The following FARP1 variants were observed in gnomAD, a reference collection of about 807,000 sequenced individuals.
FARP1 encodes the protein FERM, ARHGEF and pleckstrin domain-containing protein 1.
In FARP1, 52 loss-of-function variants were observed where a neutral mutation model predicts 128.8. That is an observed-to-expected ratio of 0.40 (90% CI 0.32 to 0.51). FARP1 has a LOEUF of 0.51. FARP1 is among the 20% of genes least tolerant of loss of function. The pLI, the probability that FARP1 is intolerant of heterozygous loss-of-function variation, is 0.45. For synonymous variants in FARP1, 580 were observed against 551.8 expected (o/e 1.05, Z -0.72); for missense variants, 1,333 against 1,367.9 (o/e 0.97, Z 0.40).
intron 2 of FARP1, among the ~76,000 whole-genome samples, chr13:98,321,667 T>G (rs550424073): frequency 3.0e-4 from 45 of 152,332 alleles, no homozygotes; most frequent in African/African-American, 9.9e-4. Context: ...AACGGGTGCT[T>G]CTTCTGTGAA....
chr13:98,289,071 T>C (rs1885331316), intron 2 of FARP1, among the ~76,000 whole-genome samples: 1 of 151,934 alleles, frequency 6.6e-6, no homozygotes, highest in African/African-American at 2.4e-5. Flanking sequence ...AAATATTCAA[T>C]GTCAGCTGTC....
chr13:98,305,358 G>A (rs1485130476), intron 2 of FARP1, among the ~76,000 whole-genome samples: 5 of 150,316 alleles, frequency 3.3e-5, no homozygotes, highest in South Asian at 2.1e-4. Context: ...ACGGAGTTTC[G>A]CTCTTGTTGC....
At chr13:98,326,472 C>G (rs1887238279) in intron 2 of FARP1, among the ~76,000 whole-genome samples, 1 of 152,222 alleles carries the variant, frequency 6.6e-6, no homozygotes, top group Non-Finnish European at 1.5e-5. Flanking sequence ...ATTTCCCCCT[C>G]CCTTGGCCCC....
At chr13:98,311,198 A>C (rs561664804) in intron 2 of FARP1, among the ~76,000 whole-genome samples, 1 of 152,314 alleles carries the variant, frequency 6.6e-6, no homozygotes, top group Non-Finnish European at 1.5e-5. Context: ...TTTCATGTTT[A>C]CTGCAAACCT....
chr13:98,368,405 G>A (rs760648578), intron 5 of FARP1, among the ~76,000 whole-genome samples: 5 of 152,190 alleles, frequency 3.3e-5, no homozygotes, highest in South Asian at 2.1e-4. Context: ...GTTTCTTGAA[G>A]GTTGTGATAT....
chr13:98,421,193 G>A lies in FARP1; in HGVS notation c.1827-3379G>A, dbSNP rs368944748. ...CTTCTCTACCATGAACGATGCTGGG[G>A]ACTTAGAGAGATACGGATGTGGGAA... On this transcript the variant is annotated intron_variant, in intron 16 of 26. Transcript: ENST00000319562. Among the ~76,000 whole-genome samples the A allele has an allele frequency of 9.8e-5, 15 of 152,372 alleles. No homozygotes were observed. In the East Asian group the frequency reaches 1.2e-3, roughly 12 times the overall value.
chr13:98,206,964 C>T (rs1300797996), intron 1 of FARP1, among the ~76,000 whole-genome samples: 3 of 152,152 alleles, frequency 2.0e-5, no homozygotes, highest in African/African-American at 7.2e-5. Flanking sequence ...AATATTTATA[C>T]ACTAGAGGCC....
intron 1 of FARP1, among the ~76,000 whole-genome samples, chr13:98,210,063 C>T (rs1880583130): frequency 6.6e-6 from 1 of 151,368 alleles, no homozygotes; most frequent in South Asian, 2.1e-4. Context: ...TACTATAGTA[C>T]AATGTATAGA....
intron 1 of FARP1, among the ~76,000 whole-genome samples, chr13:98,190,175 T>G (rs1879129791): frequency 6.6e-6 from 1 of 152,216 alleles, no homozygotes; most frequent in Non-Finnish European, 1.5e-5. Flanking sequence ...GATCCCCACT[T>G]CTTTGTCATT....
chr13:98,375,136 G>C (rs1312762215), intron 5 of FARP1, among the ~76,000 whole-genome samples: 1 of 152,230 alleles, frequency 6.6e-6, no homozygotes, highest in African/African-American at 2.4e-5. Context: ...TCTGTCATAA[G>C]TGATGTTGTG....
At chr13:98,231,849 T>C (rs1233170963) in intron 2 of FARP1, among the ~76,000 whole-genome samples, 1 of 152,062 alleles carries the variant, frequency 6.6e-6, no homozygotes, top group African/African-American at 2.4e-5. Flanking sequence ...TTTTTTGAGA[T>C]GGAGTTTTGC....
At chr13:98,410,158 C>A (rs1217848871) in intron 14 of FARP1, among the ~76,000 whole-genome samples, 1 of 152,208 alleles carries the variant, frequency 6.6e-6, no homozygotes, top group Admixed American at 6.5e-5. Flanking sequence ...GGACAACAGG[C>A]GACCTCCTTG....
At chr13:98,304,925 T>C (rs943890035) in intron 2 of FARP1, among the ~76,000 whole-genome samples, 2 of 152,164 alleles carry the variant, frequency 1.3e-5, no homozygotes, top group African/African-American at 2.4e-5. Context: ...GAAATACACT[T>C]GAATTCTGCT....
chr13:98,352,217 C>T (rs1308256860), intron 3 of FARP1, among the ~76,000 whole-genome samples: 2 of 152,108 alleles, frequency 1.3e-5, no homozygotes, highest in Non-Finnish European at 2.9e-5. Flanking sequence ...CCAAGGCCTG[C>T]ACGCCATCGG....
chr13:98,373,581 C>CACACACACACAG (rs1341717941), intron 5 of FARP1, among the ~76,000 whole-genome samples: 2 of 145,148 alleles, frequency 1.4e-5, no homozygotes, highest in African/African-American at 5.0e-5. Context: ...CACACACACA[C>CACACACACACAG]AGAAAGGGGG....
At chr13:98,257,823 G>T (rs1007443702) in intron 2 of FARP1, among the ~76,000 whole-genome samples, 2 of 152,194 alleles carry the variant, frequency 1.3e-5, no homozygotes, top group African/African-American at 2.4e-5. Context: ...CTACAGTGGA[G>T]ATATCCAAGC....
intron 2 of FARP1, among the ~76,000 whole-genome samples, chr13:98,229,463 G>T (rs4772051): frequency 0.94 from 143,137 of 152,078 alleles, 67,448 homozygotes; most frequent in East Asian, 1. Flanking sequence ...TTTATAACAG[G>T]GACAGGACAT....
Position 98,448,332 on chromosome 13 carries a change from C to G in FARP1, c.*15C>G, listed in dbSNP as rs190512050. The G allele has an allele frequency of 1.1e-5, 17 of 1,589,788 alleles. No individual in the cohort carries two copies. Among genetic ancestry groups the G allele is most frequent in the Admixed American group, 1.7e-5 (1 of 59,970 alleles). ...TTGTGTATTGATGGCCGGACACACTCGTTTCCGCAGTGGCTGCTTTCCTGG... is the reference window on the plus strand; with the variant it reads ...TTGTGTATTGATGGCCGGACACACTGGTTTCCGCAGTGGCTGCTTTCCTGG... On this transcript the variant is annotated 3_prime_UTR_variant, in exon 27 of 27. Transcript: ENST00000319562.
At chr13:98,197,812 T>C (rs1397219692) in intron 1 of FARP1, among the ~76,000 whole-genome samples, 1 of 151,836 alleles carries the variant, frequency 6.6e-6, no homozygotes, top group Non-Finnish European at 1.5e-5. Context: ...TTTTTTGTAC[T>C]TTTTTAGTAG....
Sources: gnomAD v4.1 joint callset for allele counts (sites outside exome capture counted in the v4.1 genomes callset) on GRCh38, gnomAD v4.1.1 for gene constraint, MANE v1.5 for transcripts, NCBI Gene and HGNC (gene_info 2026-07-23, HGNC 2026-07-21) for gene names.